TBXAS1: variants seen among roughly 807,000 people sequenced by gnomAD.
TBXAS1 encodes thromboxane A synthase 1, also known as thromboxane-A synthase.
A neutral mutation model predicts 60.7 loss-of-function variants in TBXAS1; 48 were observed. The observed-to-expected ratio is 0.79, with a 90% CI of 0.63 to 1.01. TBXAS1 has a LOEUF of 1.01. TBXAS1 is among the 50% of genes least tolerant of loss of function. TBXAS1 has a pLI of 0.00. For synonymous variants in TBXAS1, 287 were observed against 269.7 expected (o/e 1.06, Z -0.63); for missense variants, 685 against 686.3 (o/e 1.00, Z 0.02).
intron 9 of TBXAS1, among the ~76,000 whole-genome samples, chr7:139,990,438 T>C (rs950299742): frequency 6.6e-6 from 1 of 152,036 alleles, no homozygotes; most frequent in African/African-American, 2.4e-5. Flanking sequence ...GAGTGTGGAG[T>C]TCAGGGATCC....
chr7:139,912,059 T>G (rs779203336), intron 4 of TBXAS1, among the ~76,000 whole-genome samples: 23 of 152,128 alleles, frequency 1.5e-4, no homozygotes, highest in Admixed American at 6.6e-5. Flanking sequence ...GGCGAAACTC[T>G]GTCCCTACAA....
At chr7:139,937,064 A>G (rs1807851360) in intron 5 of TBXAS1, among the ~76,000 whole-genome samples, 2 of 152,088 alleles carry the variant, frequency 1.3e-5, no homozygotes, top group Non-Finnish European at 2.9e-5. Flanking sequence ...CACACAACAG[A>G]TCCTGACTGC....
intron 12 of TBXAS1, 103 bp downstream of exon 12, chr7:140,017,936 G>A: frequency 6.6e-7 from 1 of 1,520,022 alleles, no homozygotes; most frequent in Non-Finnish European, 9.1e-7. Flanking sequence ...ATCAGGCTCT[G>A]CCTCCGTGAG....
chr7:139,991,399 C>T (rs950953221), intron 9 of TBXAS1, among the ~76,000 whole-genome samples: 4 of 151,410 alleles, frequency 2.6e-5, no homozygotes, highest in Non-Finnish European at 4.4e-5. Flanking sequence ...GGCTTCTCCA[C>T]CCCCAGGGAC....
intron 1 of TBXAS1, among the ~76,000 whole-genome samples, chr7:139,834,350 C>T (rs10215777): frequency 0.03 from 4,569 of 152,224 alleles, 223 homozygotes; most frequent in African/African-American, 0.11. Context: ...TAAACACCTA[C>T]ATCAAAAAGT....
At chr7:139,955,857 G>C (rs1056153467) in intron 7 of TBXAS1, among the ~76,000 whole-genome samples, 2 of 152,192 alleles carry the variant, frequency 1.3e-5, no homozygotes, top group Non-Finnish European at 1.5e-5. Flanking sequence ...GAACGGTTGG[G>C]ACGCACCGTG....
chr7:139,942,847 A>G (rs1014506121), intron 5 of TBXAS1, among the ~76,000 whole-genome samples: 3 of 152,226 alleles, frequency 2.0e-5, no homozygotes, highest in Admixed American at 2.0e-4. Context: ...TAATGTATGA[A>G]TCTTAAAGGC....
intron 4 of TBXAS1, among the ~76,000 whole-genome samples, chr7:139,800,760 A>G (rs1292093256): frequency 6.6e-6 from 1 of 152,216 alleles, no homozygotes; most frequent in Middle Eastern, 3.4e-3. Context: ...TCTCCCTTCT[A>G]TCTGAGAGTG....
intron 9 of TBXAS1, among the ~76,000 whole-genome samples, chr7:139,965,194 G>A (rs983391330): frequency 6.6e-6 from 1 of 151,816 alleles, no homozygotes; most frequent in South Asian, 2.1e-4. Context: ...CTCCAGCCTG[G>A]GCAATAAGAA....
intron 4 of TBXAS1, among the ~76,000 whole-genome samples, chr7:139,792,421 C>T (rs1239999524): frequency 1.3e-5 from 2 of 152,192 alleles, no homozygotes; most frequent in African/African-American, 4.8e-5. Context: ...TACTGGCCTG[C>T]ATTATCACCT....
At chr7:140,015,934 C>A (rs1815008169) in intron 11 of TBXAS1, 74 bp downstream of exon 11, 2 of 1,602,918 alleles carry the variant, frequency 1.2e-6, no homozygotes, top group Admixed American at 1.7e-5. Context: ...GTGGAGGCAG[C>A]AGCCGGGAGG....
upstream of TBXAS1, among the ~76,000 whole-genome samples, chr7:139,826,275 A>G (rs1319784054): frequency 6.6e-6 from 1 of 152,162 alleles, no homozygotes; most frequent in African/African-American, 2.4e-5. Flanking sequence ...GAATGGGATG[A>G]AGGAGAGGTA....
chr7:139,998,789 T>C lies in TBXAS1; in HGVS notation c.1135-8302T>C, dbSNP rs574439927. ...AGACTGATGCCCCGTGGGTTGTGTGTTTGTGTGCGCACGCAGCCTGGTTTA... is the reference window on the plus strand; with the variant it reads ...AGACTGATGCCCCGTGGGTTGTGTGCTTGTGTGCGCACGCAGCCTGGTTTA... On this transcript the variant is annotated intron_variant, in intron 9 of 12. Coordinates refer to ENST00000448866, the MANE Select transcript of TBXAS1 (RefSeq NM_001061.7). Among the ~76,000 whole-genome samples the C allele has an allele frequency of 2.0e-5, 3 of 152,330 alleles. No individual in the cohort carries two copies. The East Asian group carries it at 5.8e-4, about 29-fold the overall frequency.
At chr7:140,002,128 T>A (rs1209398584) in intron 9 of TBXAS1, among the ~76,000 whole-genome samples, 1 of 152,226 alleles carries the variant, frequency 6.6e-6, no homozygotes, top group Non-Finnish European at 1.5e-5. Flanking sequence ...AATATGTAAA[T>A]GAAGGATCTC....
chr7:139,826,691 G>C (rs1798446179), upstream of TBXAS1, among the ~76,000 whole-genome samples: 1 of 152,134 alleles, frequency 6.6e-6, no homozygotes, highest in South Asian at 2.1e-4. Flanking sequence ...TTACCCGCTA[G>C]GTGTGTGTAT....
rs1418940442 is a variant in TBXAS1 at position 139,905,039 on chromosome 7, CTTTCTTTCTTTCTTTCTT to C, written c.237-6184_237-6167del. 2.0e-4 allele frequency among the ~76,000 whole-genome samples: 17 copies of C among 86,562 alleles called. No individual in the cohort carries two copies. In the South Asian group the frequency reaches 6.2e-3, roughly 31 times the overall value. The allele number at this position is 86,562 out of a possible 152,430, so 56.8% of individuals were successfully genotyped here. On this transcript the variant is annotated intron_variant, in intron 3 of 12. Transcript: ENST00000448866. ...TCTTTCTTTCTTTCTTTCTTTCTTT[CTTTCTTTCTTTCTTTCTT>C]TCTCTCTCTCTCTCTCTCTTTCTCT...
chr7:139,997,343 T>A (rs575124523), intron 9 of TBXAS1, among the ~76,000 whole-genome samples: 1 of 152,362 alleles, frequency 6.6e-6, no homozygotes, highest in South Asian at 2.1e-4. Flanking sequence ...GGGGCTTATT[T>A]CTTTCAACAT....
At chr7:140,015,101 A>G (rs1252294659) in intron 10 of TBXAS1, among the ~76,000 whole-genome samples, 1 of 152,156 alleles carries the variant, frequency 6.6e-6, no homozygotes, top group African/African-American at 2.4e-5. Flanking sequence ...AACCAAAGAA[A>G]TGTGCAAGAG....
intron 3 of TBXAS1, among the ~76,000 whole-genome samples, chr7:139,888,881 T>C (rs1056400538): frequency 6.6e-6 from 1 of 151,588 alleles, no homozygotes; most frequent in African/African-American, 2.4e-5. Flanking sequence ...TTAAAGAAAG[T>C]TGTGCAGGTA....
Sources: gnomAD v4.1 joint callset for allele counts (sites outside exome capture counted in the v4.1 genomes callset) on GRCh38, gnomAD v4.1.1 for gene constraint, MANE v1.5 for transcripts, NCBI Gene and HGNC (gene_info 2026-07-23, HGNC 2026-07-21) for gene names.